The following SEMA3A variants were observed in gnomAD, a reference collection of about 807,000 sequenced individuals.
The protein encoded by SEMA3A is semaphorin 3A.
Under a neutral mutation model 97.9 loss-of-function variants are expected in SEMA3A, and 29 were observed. That is an observed-to-expected ratio of 0.30 (90% CI 0.22 to 0.40). The LOEUF is 0.40. Among genes scored for constraint, SEMA3A ranks in the 10% least tolerant of loss-of-function variants. The pLI, the probability that SEMA3A is intolerant of heterozygous loss-of-function variation, is 1.00. For missense variants in SEMA3A, 763 were observed against 951.3 expected, an observed-to-expected ratio of 0.80 and a Z score of 2.60; for synonymous variants, 321 against 323.7, an observed-to-expected ratio of 0.99 and a Z score of 0.09.
intron 4 of SEMA3A, among the ~76,000 whole-genome samples, chr7:84,090,245 T>G (rs2115843324): frequency 6.6e-6 from 1 of 152,290 alleles, no homozygotes; most frequent in South Asian, 2.1e-4. Context: ...GTTTAGGTAC[T>G]AGGTAAGTGA....
At chr7:84,039,377 C>T (rs1191018672) in intron 6 of SEMA3A, among the ~76,000 whole-genome samples, 1 of 152,088 alleles carries the variant, frequency 6.6e-6, no homozygotes, top group Non-Finnish European at 1.5e-5. Flanking sequence ...TCATTAGTTT[C>T]TTATTTCATA....
At chr7:84,420,033 A>G (rs1372264122) in intron 1 of SEMA3A, among the ~76,000 whole-genome samples, 1 of 152,152 alleles carries the variant, frequency 6.6e-6, no homozygotes, top group Non-Finnish European at 1.5e-5. Flanking sequence ...AAAAATAAGA[A>G]AAGTTACTAA....
rs552051625 is a variant in SEMA3A at position 83,958,029 on chromosome 7, C to G, written c.*3342G>C. The G allele has an allele frequency of 2.6e-5, 4 of 152,108 alleles. No individual in the cohort carries two copies. Among genetic ancestry groups the G allele is most frequent in the Non-Finnish European group, 5.9e-5 (4 of 67,928 alleles). 9.4% of individuals were successfully genotyped at this position (152,108 alleles called of 1,614,324 possible). A position where few individuals can be genotyped will look rare whatever the true frequency, so the allele number is the denominator to read the frequency against. On this transcript the variant is annotated 3_prime_UTR_variant, in exon 17 of 17. Transcript: ENST00000265362. ...GCTTGTCTGTGACCTTTAAGATAAG[C>G]AATTTCAATAACAGTCATCTGACAT... is the stretch of plus-strand genomic sequence containing the variant.
At chr7:84,111,039 A>G (rs1261523569) in intron 3 of SEMA3A, among the ~76,000 whole-genome samples, 1 of 152,164 alleles carries the variant, frequency 6.6e-6, no homozygotes, top group Non-Finnish European at 1.5e-5. Flanking sequence ...CAAAAATATA[A>G]TATGACCCTC....
chr7:84,046,926 T>A (rs1010001777), intron 5 of SEMA3A, among the ~76,000 whole-genome samples: 2 of 152,086 alleles, frequency 1.3e-5, no homozygotes, highest in Admixed American at 1.3e-4. Flanking sequence ...CACTTCTTTC[T>A]CAGTAGGATC....
chr7:84,430,521 T>G lies in SEMA3A; in HGVS notation c.-245-58621A>C, dbSNP rs369348472. Among the ~76,000 whole-genome samples the G allele has an allele frequency of 6.9e-4, 105 of 152,150 alleles. 1 individual carries two copies. Among genetic ancestry groups the G allele is most frequent in the African/African-American group, 2.3e-3 (97 of 41,568 alleles). On this transcript the variant is annotated intron_variant, in intron 1 of 3. Transcript: ENST00000424555. ...ATAAAAATTATTGCAAACTCATAAG[T>G]ATCTAACATGGTCAGTTTAGACATG...
chr7:84,323,240 T>G (rs1324622832), intron 2 of SEMA3A, among the ~76,000 whole-genome samples: 1 of 152,194 alleles, frequency 6.6e-6, no homozygotes, highest in Admixed American at 6.5e-5. Flanking sequence ...TTCTATAGTG[T>G]AATATTTATG....
intron 2 of SEMA3A, among the ~76,000 whole-genome samples, chr7:84,365,867 A>G (rs1357439531): frequency 6.6e-6 from 1 of 151,478 alleles, no homozygotes. Context: ...ACAATAAATA[A>G]CATGAGTTTA....
chr7:84,188,657 A>G (rs1002771701), intron 1 of SEMA3A, among the ~76,000 whole-genome samples: 3 of 151,946 alleles, frequency 2.0e-5, no homozygotes, highest in Non-Finnish European at 4.4e-5. Flanking sequence ...TAATATATAC[A>G]GGCACATGAA....
intron 1 of SEMA3A, among the ~76,000 whole-genome samples, chr7:84,191,638 C>T (rs1487748741): frequency 6.6e-6 from 1 of 151,690 alleles, no homozygotes; most frequent in Non-Finnish European, 1.5e-5. Context: ...ATGCATGGAC[C>T]ACTTTTTAAA....
At chr7:84,086,404 CTAT>C (rs895497206) in intron 4 of SEMA3A, among the ~76,000 whole-genome samples, 3 of 146,098 alleles carry the variant, frequency 2.1e-5, no homozygotes, top group Non-Finnish European at 3.0e-5. Flanking sequence ...ACACTCTTTG[CTAT>C]TATTATTTTT....
At chr7:84,332,366 T>C (rs1477657744) in intron 2 of SEMA3A, among the ~76,000 whole-genome samples, 1 of 152,180 alleles carries the variant, frequency 6.6e-6, no homozygotes, top group Non-Finnish European at 1.5e-5. Flanking sequence ...CTCTTTTTAT[T>C]TTTCACAGTG....
At position 84,070,339 on chromosome 7, in the gene SEMA3A, G is replaced by A. The variant is rs199568392; in HGVS notation, c.454-9781C>T. On this transcript the variant is annotated intron_variant, in intron 4 of 16. Coordinates refer to ENST00000265362, the MANE Select transcript of SEMA3A (RefSeq NM_006080.3). ...TGTTATTAGACTGTGGTGAGGTAAG[G>A]CATTAGAGGAAATAATAACTGTGCT... Among the ~76,000 whole-genome samples the A allele has an allele frequency of 1.6e-4, 24 of 152,174 alleles. No individual in the cohort carries two copies. In the East Asian group the frequency reaches 4.1e-3, roughly 26 times the overall value.
In SEMA3A at chr7:84,463,237, C is replaced by CTTTTTTTTTTTTTTTT. The variant is rs59465422; in HGVS notation, c.-246+29207_-246+29222dup. Among the ~76,000 whole-genome samples the CTTTTTTTTTTTTTTTT allele has an allele frequency of 2.0e-4, 14 of 71,372 alleles. 2 individuals are homozygous for CTTTTTTTTTTTTTTTT. The highest frequency in any genetic ancestry group is 7.2e-4 in the African/African-American group (13 of 17,936). The allele number at this position is 71,372 out of a possible 152,430, so 46.8% of individuals were successfully genotyped here. A position where few individuals can be genotyped will look rare whatever the true frequency, so the allele number is the denominator to read the frequency against. The stretch of plus-strand genomic sequence containing the variant: ...ATTACTTTAGTATTTTGTAACTATT[C>CTTTTTTTTTTTTTTTT]TTTTTTTTTTTTTTTTTTTTTTTTT... On this transcript the variant is annotated intron_variant, in intron 1 of 3. Coordinates refer to the SEMA3A transcript ENST00000424555.
chr7:84,316,754 T>A (rs2115891120), intron 2 of SEMA3A, among the ~76,000 whole-genome samples: 1 of 151,460 alleles, frequency 6.6e-6, no homozygotes, highest in East Asian at 1.9e-4. Context: ...CAGAAGCAGA[T>A]TTTTTTTTCC....
intron 2 of SEMA3A, among the ~76,000 whole-genome samples, chr7:84,347,178 G>A (rs1307514132): frequency 6.6e-6 from 1 of 152,098 alleles, no homozygotes; most frequent in Non-Finnish European, 1.5e-5. Flanking sequence ...GGGAATCTCA[G>A]TGCTAGATAT....
intron 1 of SEMA3A, among the ~76,000 whole-genome samples, chr7:84,395,334 A>G (rs1315276055): frequency 1.4e-5 from 2 of 147,702 alleles, no homozygotes; most frequent in Non-Finnish European, 3.0e-5. Context: ...TCTTATGCAT[A>G]GATACAAATC....
intron 2 of SEMA3A, among the ~76,000 whole-genome samples, chr7:84,332,251 C>A (rs528866587): frequency 6.6e-6 from 1 of 151,990 alleles, no homozygotes; most frequent in Non-Finnish European, 1.5e-5. Flanking sequence ...TAAGTCCCAA[C>A]GACTCATTTC....
At chr7:84,279,877 T>C (rs1800394485) in intron 3 of SEMA3A, among the ~76,000 whole-genome samples, 1 of 152,086 alleles carries the variant, frequency 6.6e-6, no homozygotes, top group Non-Finnish European at 1.5e-5. Flanking sequence ...AGTAATGACA[T>C]ATTCATATAT....
Sources: gnomAD v4.1 joint callset for allele counts (sites outside exome capture counted in the v4.1 genomes callset) on GRCh38, gnomAD v4.1.1 for gene constraint, MANE v1.5 for transcripts, NCBI Gene and HGNC (gene_info 2026-07-23, HGNC 2026-07-21) for gene names.